The following RAD51B variants were observed in gnomAD, a reference collection of about 807,000 sequenced individuals.
The protein encoded by RAD51B is DNA repair protein RAD51 homolog 2.
RAD51B carries 38 observed loss-of-function variants against 42.2 expected under a neutral mutation model. The ratio of observed to expected loss-of-function variants is 0.90; its 90% CI spans 0.70 to 1.18. The LOEUF is 1.18. Among genes scored for constraint, RAD51B ranks in the 50% most tolerant of loss-of-function variants. RAD51B has a pLI of 0.00. For synonymous variants in RAD51B, 154 were observed against 145.2 expected (o/e 1.06, Z -0.43); for missense variants, 373 against 400.7 (o/e 0.93, Z 0.59).
At chr14:67,846,659 A>T (rs1390890411) in intron 4 of RAD51B, among the ~76,000 whole-genome samples, 2 of 152,164 alleles carry the variant, frequency 1.3e-5, no homozygotes, top group African/African-American at 4.8e-5. Flanking sequence ...TCAGTTGGGC[A>T]TCCGAGGGTA....
At chr14:68,596,536 A>G (rs1183406088), downstream of RAD51B, among the ~76,000 whole-genome samples, 1 of 152,204 alleles carries the variant, frequency 6.6e-6, no homozygotes, top group African/African-American at 2.4e-5. Context: ...AGGGACTAAG[A>G]CAATTCAGCT....
At chr14:68,315,379 A>G (rs2082035929) in intron 8 of RAD51B, among the ~76,000 whole-genome samples, 2 of 152,194 alleles carry the variant, frequency 1.3e-5, no homozygotes, top group Non-Finnish European at 2.9e-5. Flanking sequence ...AAAAGGCCCC[A>G]TGTTGGGCCA....
At chr14:68,141,528 A>G (rs1308255352) in intron 7 of RAD51B, among the ~76,000 whole-genome samples, 1 of 152,234 alleles carries the variant, frequency 6.6e-6, no homozygotes, top group Admixed American at 6.5e-5. Flanking sequence ...TCCTGCATAT[A>G]GTTAGTATTC....
intron 10 of RAD51B, among the ~76,000 whole-genome samples, chr14:68,550,540 C>T (rs1888488800): frequency 6.6e-6 from 1 of 152,164 alleles, no homozygotes; most frequent in South Asian, 2.1e-4. Flanking sequence ...AAAATAGATG[C>T]GCCTCTTGTG....
chr14:67,966,467 G>T (rs912533879), intron 7 of RAD51B, among the ~76,000 whole-genome samples: 1 of 152,234 alleles, frequency 6.6e-6, no homozygotes, highest in Non-Finnish European at 1.5e-5. Flanking sequence ...TATAAGTATT[G>T]TATTAACATA....
intron 10 of RAD51B, among the ~76,000 whole-genome samples, chr14:68,521,526 C>T (rs1886579419): frequency 6.6e-6 from 1 of 152,186 alleles, no homozygotes; most frequent in South Asian, 2.1e-4. Context: ...GCAAATAAAC[C>T]AGTTCACACA....
chr14:68,327,100 A>C (rs1350504138), intron 8 of RAD51B, among the ~76,000 whole-genome samples: 1 of 152,208 alleles, frequency 6.6e-6, no homozygotes, highest in Admixed American at 6.5e-5. Context: ...AGAGGGGCAC[A>C]CAGGAAGATA....
At chr14:67,945,498 T>C (rs2045356804) in intron 7 of RAD51B, among the ~76,000 whole-genome samples, 1 of 152,202 alleles carries the variant, frequency 6.6e-6, no homozygotes, top group Non-Finnish European at 1.5e-5. Context: ...TTTGTTTGTT[T>C]GTTTTTTGTG....
At chr14:68,394,043 T>C (rs2083839322) in intron 8 of RAD51B, among the ~76,000 whole-genome samples, 1 of 152,190 alleles carries the variant, frequency 6.6e-6, no homozygotes, top group Non-Finnish European at 1.5e-5. Flanking sequence ...AGGCAGAAGG[T>C]GGCTCCCTCT....
chr14:67,989,861 A>G (rs2075264300), intron 7 of RAD51B, among the ~76,000 whole-genome samples: 1 of 151,994 alleles, frequency 6.6e-6, no homozygotes, highest in South Asian at 2.1e-4. Context: ...GATTTTTCCC[A>G]ATTTAGGCAG....
At chr14:68,524,483 A>G (rs549621217) in intron 10 of RAD51B, among the ~76,000 whole-genome samples, 2 of 152,276 alleles carry the variant, frequency 1.3e-5, no homozygotes, top group African/African-American at 4.8e-5. Context: ...TGTGAGTTCT[A>G]CGCTGCTGCC....
intron 7 of RAD51B, among the ~76,000 whole-genome samples, chr14:67,939,682 CTG>C (rs1333310300): frequency 2.0e-5 from 3 of 152,000 alleles, no homozygotes; most frequent in Admixed American, 6.6e-5. Flanking sequence ...GGCTGGAAGT[CTG>C]AGATCAGGGT....
At chr14:68,429,670 T>A (rs1456572469) in intron 9 of RAD51B, among the ~76,000 whole-genome samples, 1 of 152,236 alleles carries the variant, frequency 6.6e-6, no homozygotes, top group East Asian at 1.9e-4. Context: ...ATGAGTAGAT[T>A]GCAAAAATTT....
chr14:68,056,779 AAAAT>A (rs753496564), intron 7 of RAD51B, among the ~76,000 whole-genome samples: 1 of 151,786 alleles, frequency 6.6e-6, no homozygotes, highest in Non-Finnish European at 1.5e-5. Context: ...AATAATAAAT[AAAAT>A]AAGAAATATT....
chr14:68,375,482 C>T (rs141524493), intron 8 of RAD51B, among the ~76,000 whole-genome samples: 1 of 152,300 alleles, frequency 6.6e-6, no homozygotes, highest in African/African-American at 2.4e-5. Flanking sequence ...TATGCTTTCT[C>T]AGGGCTACTT....
In RAD51B at chr14:68,183,952, C is replaced by T. The variant is rs184630201; in HGVS notation, c.757-107932C>T. 4.0e-3 allele frequency among the ~76,000 whole-genome samples: 563 copies of T among 139,368 alleles called. 1 individual carries two copies. Among genetic ancestry groups the T allele is most frequent in the Middle Eastern group, 7.0e-3 (2 of 286 alleles). The allele number at this position is 139,368 out of a possible 152,430, so 91.4% of individuals were successfully genotyped here. A position where few individuals can be genotyped will look rare whatever the true frequency, so the allele number is the denominator to read the frequency against. On this transcript the variant is annotated intron_variant, in intron 7 of 10. Coordinates refer to ENST00000471583, the MANE Select transcript of RAD51B (RefSeq NM_133510.4). ...ATTAAAATACAAAAAATTAGGCGGG[C>T]GTGGTGGCGGGCACCTGTAGTCCCA... is the stretch of plus-strand genomic sequence containing the variant.
chr14:68,457,558 A>G (rs921964653), intron 9 of RAD51B, among the ~76,000 whole-genome samples: 2 of 152,084 alleles, frequency 1.3e-5, no homozygotes, highest in Admixed American at 6.6e-5. Flanking sequence ...TTTGTAGTTG[A>G]TAAGTTTTCT....
chr14:68,288,973 T>C (rs557726334), intron 7 of RAD51B, among the ~76,000 whole-genome samples: 12 of 152,338 alleles, frequency 7.9e-5, no homozygotes, highest in African/African-American at 2.9e-4. Context: ...GCAATGTCAG[T>C]ATCTTATTGG....
At chr14:68,220,808 C>T (rs541573848) in intron 7 of RAD51B, among the ~76,000 whole-genome samples, 1 of 152,264 alleles carries the variant, frequency 6.6e-6, no homozygotes, top group African/African-American at 2.4e-5. Flanking sequence ...CTGCTATACA[C>T]CAACAGCAGC....
Sources: allele counts gnomAD v4.1 joint callset (sites outside exome capture counted in the v4.1 genomes callset), GRCh38; gene constraint gnomAD v4.1.1; transcripts MANE v1.5; gene names NCBI Gene and HGNC (gene_info 2026-07-23, HGNC 2026-07-21).